Variants in CLSTN2 observed in about 807,000 individuals in gnomAD.
CLSTN2 encodes calsyntenin 2, also known as calsyntenin-2.
Under a neutral mutation model 101.2 loss-of-function variants are expected in CLSTN2, and 48 were observed. The ratio of observed to expected loss-of-function variants is 0.47; its 90% CI spans 0.38 to 0.60. The LOEUF is 0.60. CLSTN2 is among the 20% of genes least tolerant of loss of function. The probability of loss-of-function intolerance (pLI) is 0.00; values close to 1 mark genes in which losing one functional copy is unlikely to be tolerated. For missense variants in CLSTN2, 1,160 were observed against 1,238.2 expected (o/e 0.94, Z 0.95); for synonymous variants, 481 against 463.6 (o/e 1.04, Z -0.48).
chr3:140,091,149 G>A (rs531758660), intron 1 of CLSTN2, among the ~76,000 whole-genome samples: 13 of 152,234 alleles, frequency 8.5e-5, no homozygotes, highest in African/African-American at 2.9e-4. Flanking sequence ...GCTGCTGTAA[G>A]GATTGTTGTG....
intron 8 of CLSTN2, among the ~76,000 whole-genome samples, chr3:140,481,991 T>C (rs1019985921): frequency 5.1e-4 from 78 of 152,182 alleles, no homozygotes; most frequent in Non-Finnish European, 2.1e-4. Context: ...CTATGTTGAA[T>C]AGGAGTGGTG....
chr3:140,445,194 T>C (rs764527232), intron 5 of CLSTN2, among the ~76,000 whole-genome samples: 5 of 152,186 alleles, frequency 3.3e-5, no homozygotes, highest in Non-Finnish European at 7.4e-5. Context: ...CCCTGCCAGC[T>C]AGGGGGTGAG....
intron 8 of CLSTN2, among the ~76,000 whole-genome samples, chr3:140,487,455 A>T (rs1437027337): frequency 6.6e-6 from 1 of 151,810 alleles, no homozygotes; most frequent in African/African-American, 2.4e-5. Flanking sequence ...CCATAGTTTG[A>T]CCTCCCCTTC....
chr3:140,437,437 A>G (rs2088699887), intron 5 of CLSTN2, among the ~76,000 whole-genome samples: 1 of 152,212 alleles, frequency 6.6e-6, no homozygotes, highest in Non-Finnish European at 1.5e-5. Context: ...CTCAGGCTCT[A>G]GATCCAGAAG....
rs7641958 is a variant in CLSTN2, at chr3:140,556,469, A to C, written c.1675-44A>C. On this transcript the variant is annotated intron_variant, in intron 10 of 16. Coordinates refer to ENST00000458420, the MANE Select transcript of CLSTN2 (RefSeq NM_022131.3). ...GAAGTGCTCCCATAAAACCATGTAC[A>C]TCACTGACCATTCTCTTCCATGATG... The C allele has an allele frequency of 1.2e-5, 20 of 1,607,636 alleles. No individual in the cohort carries two copies. The South Asian group carries it at 2.1e-4, about 17-fold the overall frequency.
intron 2 of CLSTN2, among the ~76,000 whole-genome samples, chr3:140,272,593 A>G (rs2086753158): frequency 6.6e-6 from 1 of 152,120 alleles, no homozygotes; most frequent in Non-Finnish European, 1.5e-5. Flanking sequence ...GTACTAAAAA[A>G]ATGCAAAAAT....
chr3:140,144,783 G>A (rs1316663246), intron 1 of CLSTN2, among the ~76,000 whole-genome samples: 2 of 152,180 alleles, frequency 1.3e-5, no homozygotes, highest in Non-Finnish European at 2.9e-5. Flanking sequence ...CTGGCATCTG[G>A]AATCCAGGTC....
At chr3:140,534,014 T>C (rs1935312598) in intron 9 of CLSTN2, among the ~76,000 whole-genome samples, 1 of 152,170 alleles carries the variant, frequency 6.6e-6, no homozygotes, top group Admixed American at 6.5e-5. Flanking sequence ...AGCTTGGCAA[T>C]GAGAGTATCT....
chr3:140,539,228 A>G (rs151067374), intron 9 of CLSTN2, among the ~76,000 whole-genome samples: 430 of 152,352 alleles, frequency 2.8e-3, no homozygotes, highest in South Asian at 9.3e-3. Context: ...TTGTTAAATT[A>G]TATCCTATTC....
intron 9 of CLSTN2, among the ~76,000 whole-genome samples, chr3:140,541,812 T>TA (rs1438976720): frequency 6.6e-6 from 1 of 152,146 alleles, no homozygotes; most frequent in Admixed American, 6.6e-5. Context: ...CAGATTCTCT[T>TA]ATTCTGTTTT....
At chr3:140,070,267 C>G (rs1190814796) in intron 1 of CLSTN2, among the ~76,000 whole-genome samples, 1 of 152,218 alleles carries the variant, frequency 6.6e-6, no homozygotes, top group Non-Finnish European at 1.5e-5. Context: ...GACGTAGACT[C>G]TCTTCCTAGA....
chr3:140,337,322 C>T lies in CLSTN2; in HGVS notation c.233-66307C>T, dbSNP rs111896487. ...AAAAGGATCTGTTCCAGGCCTCTCC[C>T]TTAGCTTCTTATAGCCCCAGACATT... On this transcript the variant is annotated intron_variant, in intron 2 of 16. Transcript: ENST00000458420. Among the ~76,000 whole-genome samples the T allele has an allele frequency of 1.7e-3, 263 of 152,270 alleles. 1 individual carries two copies. The highest frequency in any genetic ancestry group is 5.8e-3 in the African/African-American group (241 of 41,538).
intron 2 of CLSTN2, among the ~76,000 whole-genome samples, chr3:140,336,455 C>G (rs182129702): frequency 1.3e-5 from 2 of 152,290 alleles, no homozygotes; most frequent in East Asian, 3.9e-4. Flanking sequence ...CTTGAGCACC[C>G]TTCTAGGGGT....
At chr3:140,548,818 C>G (rs1304214630) in intron 10 of CLSTN2, among the ~76,000 whole-genome samples, 1 of 152,136 alleles carries the variant, frequency 6.6e-6, no homozygotes, top group Non-Finnish European at 1.5e-5. Flanking sequence ...TGGGAAGCCA[C>G]TGAAGGCTCA....
rs552589694 is a variant in CLSTN2 at position 139,975,624 on chromosome 3, G to A, written c.109+40141G>A. ...CTCAGACACATGTGAAGATAGGAATGAAACAACTTGGGCTTCTTGAAACAC... is the reference window on the plus strand; with the variant it reads ...CTCAGACACATGTGAAGATAGGAATAAAACAACTTGGGCTTCTTGAAACAC... On this transcript the variant is annotated intron_variant, in intron 1 of 16. Coordinates refer to ENST00000458420, the MANE Select transcript of CLSTN2 (RefSeq NM_022131.3). Among the ~76,000 whole-genome samples the A allele has an allele frequency of 2.6e-5, 4 of 152,300 alleles. No homozygotes were observed. In the South Asian group the frequency reaches 6.2e-4, roughly 24 times the overall value.
rs906820325 is a variant in CLSTN2, at chr3:140,563,518, C to T, written c.2482+315C>T. Among the ~76,000 whole-genome samples, 56 of 152,282 alleles carry T rather than the reference C, an allele frequency of 3.7e-4. 3 individuals are homozygous for T. The highest frequency in any genetic ancestry group is 3.6e-3 in the Admixed American group (55 of 15,308). ...AGCCCTCTACACACACTCACACACA[C>T]GTACACACCATATTGCAACGTCCTC... On this transcript the variant is annotated intron_variant, in intron 15 of 16. Coordinates refer to ENST00000458420, the MANE Select transcript of CLSTN2 (RefSeq NM_022131.3).
chr3:140,482,593 G>A (rs1156657568), intron 8 of CLSTN2, among the ~76,000 whole-genome samples: 2 of 152,108 alleles, frequency 1.3e-5, no homozygotes, highest in Non-Finnish European at 2.9e-5. Context: ...TGGTTGGTAG[G>A]TTATTAATAA....
chr3:140,375,251 TGAG>T (rs1464184563), intron 2 of CLSTN2, among the ~76,000 whole-genome samples: 2 of 152,144 alleles, frequency 1.3e-5, no homozygotes, highest in Non-Finnish European at 2.9e-5. Flanking sequence ...GAAACTGGAA[TGAG>T]GAGGAGACAC....
At chr3:140,127,352 G>A (rs1197622004) in intron 1 of CLSTN2, among the ~76,000 whole-genome samples, 1 of 152,184 alleles carries the variant, frequency 6.6e-6, no homozygotes. Flanking sequence ...AGGCTTAGCT[G>A]ATAAATAATG....
Sources: gnomAD v4.1 joint callset for allele counts (sites outside exome capture counted in the v4.1 genomes callset) on GRCh38, gnomAD v4.1.1 for gene constraint, MANE v1.5 for transcripts, NCBI Gene and HGNC (gene_info 2026-07-23, HGNC 2026-07-21) for gene names.